Variants in CYSTM1 observed in about 807,000 individuals in gnomAD.
CYSTM1 encodes the protein cysteine rich transmembrane module containing 1, also known as cysteine-rich transmembrane module-containing protein 1.
CYSTM1 carries 4 observed loss-of-function variants against 13.1 expected under a neutral mutation model. That is an observed-to-expected ratio of 0.31 (90% CI 0.15 to 0.70). The LOEUF (loss-of-function observed/expected upper bound fraction) is 0.70, where lower values mean the gene tolerates loss of function less well. CYSTM1 is among the 30% of genes least tolerant of loss of function. The probability of loss-of-function intolerance (pLI) is 0.72; values close to 1 mark genes in which losing one functional copy is unlikely to be tolerated. For missense variants in CYSTM1, 96 were observed against 121.6 expected (o/e 0.79, Z 0.99); for synonymous variants, 36 against 42.7 (o/e 0.84, Z 0.62).
At chr5:140,238,300 T>C (rs10477333) in intron 2 of CYSTM1, among the ~76,000 whole-genome samples, 36,425 of 152,010 alleles carry the variant, frequency 0.24, 4,413 homozygotes, top group African/African-American at 0.28. Flanking sequence ...TCCATATCCA[T>C]CTCCCTGTAT....
At chr5:140,197,942 T>C (rs1487770107) in intron 2 of CYSTM1, among the ~76,000 whole-genome samples, 1 of 152,126 alleles carries the variant, frequency 6.6e-6, no homozygotes, top group African/African-American at 2.4e-5. Context: ...TGGTCATCTG[T>C]TTATGTTTTA....
At chr5:140,185,183 TTCA>T (rs1404905761) in intron 1 of CYSTM1, among the ~76,000 whole-genome samples, 1 of 152,226 alleles carries the variant, frequency 6.6e-6, no homozygotes. Context: ...TCTGAACCTC[TTCA>T]TCACTCTGGG....
At position 140,194,551 on chromosome 5, in the gene CYSTM1, G is replaced by T; in HGVS notation, c.86G>T (p.Gly29Val). The change falls in exon 2 of 3, where the codon GGA (glycine) becomes GTA (valine). Residue 29 changes from glycine to valine, a missense_variant. Gly to Val is a moderately radical substitution (Grantham distance 109, BLOSUM62 -3). Transcript: ENST00000261811. ...PPYPPQPMGP[G>V]PMGGPYPPPQ... is the part of the protein sequence containing the mutation. The stretch of plus-strand genomic sequence containing the variant: ...TATCCACCACAACCAATGGGTCCAG[G>T]ACCTATGGGGGGACCCTACCCACCT... The T allele has an allele frequency of 1.2e-6, 2 of 1,613,816 alleles. No individual in the cohort carries two copies. The highest frequency in any genetic ancestry group is 2.2e-5 in the South Asian group (2 of 91,050).
At chr5:140,190,451 A>T (rs1764081361) in intron 1 of CYSTM1, among the ~76,000 whole-genome samples, 1 of 152,066 alleles carries the variant, frequency 6.6e-6, no homozygotes, top group African/African-American at 2.4e-5. Context: ...TGACTGGGTG[A>T]GTCATTTCTT....
chr5:140,201,043 T>C (rs1764219705), intron 2 of CYSTM1: 1 of 152,258 alleles, frequency 6.6e-6, no homozygotes, highest in Non-Finnish European at 1.5e-5. Context: ...CAAATAATAT[T>C]CCATTGTGGA....
intron 1 of CYSTM1, among the ~76,000 whole-genome samples, chr5:140,191,768 A>C (rs939754545): frequency 6.6e-6 from 1 of 152,220 alleles, no homozygotes; most frequent in Admixed American, 6.5e-5. Flanking sequence ...AATAGTTATG[A>C]TAACTGTATT....
intron 1 of CYSTM1, among the ~76,000 whole-genome samples, chr5:140,191,894 G>T (rs1764099433): frequency 6.6e-6 from 1 of 152,166 alleles, no homozygotes; most frequent in African/African-American, 2.4e-5. Context: ...TAGGAGAGAG[G>T]AAATAAAATG....
chr5:140,185,212 G>A (rs1331135340), intron 1 of CYSTM1, among the ~76,000 whole-genome samples: 1 of 152,218 alleles, frequency 6.6e-6, no homozygotes, highest in East Asian at 1.9e-4. Context: ...GCCTTCAGAG[G>A]TAGATGATCC....
At position 140,175,618 on chromosome 5, in the gene CYSTM1, C is replaced by A. The variant is rs1763872470; in HGVS notation, c.-21+333C>A. On this transcript the variant is annotated intron_variant, in intron 1 of 2. Transcript: ENST00000261811. The surrounding 1 kb of genome is among the most constrained non-coding windows in gnomAD (Gnocchi z 4.9). Reference sequence around the variant, plus strand: ...CGGGCTCGGAGCGGGGCTCGCCACACCCCGTCCCGGGGGACGTCCGCGGGA... The same window carrying A: ...CGGGCTCGGAGCGGGGCTCGCCACAACCCGTCCCGGGGGACGTCCGCGGGA... 3.9e-5 allele frequency among the ~76,000 whole-genome samples: 6 copies of A among 152,246 alleles called. No homozygotes were observed. Among genetic ancestry groups the A allele is most frequent in the Admixed American group, 3.9e-4 (6 of 15,292 alleles).
chr5:140,214,421 A>G (rs1764405035), intron 2 of CYSTM1, among the ~76,000 whole-genome samples: 1 of 152,212 alleles, frequency 6.6e-6, no homozygotes, highest in Non-Finnish European at 1.5e-5. Context: ...TGCTCTTTGC[A>G]GATCCAATTT....
At chr5:140,176,211 A>T (rs1167190943) in intron 1 of CYSTM1, among the ~76,000 whole-genome samples, 1 of 152,104 alleles carries the variant, frequency 6.6e-6, no homozygotes, top group Non-Finnish European at 1.5e-5. Flanking sequence ...TGAGGGGAAC[A>T]CTGAGGAAGT....
intron 2 of CYSTM1, among the ~76,000 whole-genome samples, chr5:140,214,653 C>G (rs1764407929): frequency 6.6e-6 from 1 of 152,180 alleles, no homozygotes; most frequent in South Asian, 2.1e-4. Context: ...ACACATATGC[C>G]TATTATCTCT....
rs796704010 is a variant in CYSTM1, at chr5:140,213,043, AT to A, written c.187+18403del. Among the ~76,000 whole-genome samples the A allele has an allele frequency of 2.9e-3, 381 of 130,464 alleles. 1 individual carries two copies. Among genetic ancestry groups the A allele is most frequent in the South Asian group, 7.1e-3 (26 of 3,640 alleles). 85.6% of individuals were successfully genotyped at this position (130,464 alleles called of 152,430 possible). On this transcript the variant is annotated intron_variant, in intron 2 of 2. Coordinates refer to ENST00000261811, the MANE Select transcript of CYSTM1 (RefSeq NM_032412.4). ...AGAGACAGAGAGAGAGAGAACTCCTATTTTTTTTTTTTAAGTTAACCATAAA... is the reference window on the plus strand; with the variant it reads ...AGAGACAGAGAGAGAGAGAACTCCTATTTTTTTTTTTAAGTTAACCATAAA...
chr5:140,207,442 G>A (rs1056736902), intron 2 of CYSTM1, among the ~76,000 whole-genome samples: 3 of 152,130 alleles, frequency 2.0e-5, no homozygotes, highest in Admixed American at 6.5e-5. Context: ...TGGTGTAGAC[G>A]ATTTGCCACT....
At chr5:140,222,068 T>G (rs1764498825) in intron 2 of CYSTM1, among the ~76,000 whole-genome samples, 1 of 152,202 alleles carries the variant, frequency 6.6e-6, no homozygotes, top group Non-Finnish European at 1.5e-5. Context: ...CTTAATGACT[T>G]TGACCCTTCT....
At chr5:140,180,908 G>A (rs1355943008) in intron 1 of CYSTM1, among the ~76,000 whole-genome samples, 1 of 152,212 alleles carries the variant, frequency 6.6e-6, no homozygotes, top group Non-Finnish European at 1.5e-5. Flanking sequence ...GCCTTATTCA[G>A]AGGTTCCTAT....
At chr5:140,226,956 C>T (rs1301447483) in intron 2 of CYSTM1, among the ~76,000 whole-genome samples, 2 of 151,858 alleles carry the variant, frequency 1.3e-5, no homozygotes, top group Non-Finnish European at 2.9e-5. Flanking sequence ...AGGTGGAGAG[C>T]AGCAGTGTGG....
In CYSTM1 at chr5:140,243,769, A is replaced by G. The variant is rs549366952; in HGVS notation, c.*358A>G. 1.0e-3 allele frequency: 195 copies of G among 195,746 alleles called. No individual in the cohort carries two copies. The highest frequency in any genetic ancestry group is 2.0e-3 in the Middle Eastern group (1 of 490). 12.1% of individuals were successfully genotyped at this position (195,746 alleles called of 1,614,324 possible). A position where few individuals can be genotyped will look rare whatever the true frequency, so the allele number is the denominator to read the frequency against. On this transcript the variant is annotated 3_prime_UTR_variant, in exon 3 of 3. Coordinates refer to ENST00000261811, the MANE Select transcript of CYSTM1 (RefSeq NM_032412.4). The stretch of plus-strand genomic sequence containing the variant: ...TGCTAACAGCCGCCTGTATGTTTCA[A>G]TAAATTTGTCCAAAGCTCAACTGTC...
intron 1 of CYSTM1, among the ~76,000 whole-genome samples, chr5:140,181,446 T>C (rs1763961631): frequency 6.6e-6 from 1 of 152,192 alleles, no homozygotes; most frequent in African/African-American, 2.4e-5. Context: ...CTTTAATGTC[T>C]GGTGGTGGCT....
Sources: gnomAD v4.1 joint callset for allele counts (sites outside exome capture counted in the v4.1 genomes callset) on GRCh38, gnomAD v4.1.1 for gene constraint, Gnocchi (gnomAD v3.1) non-coding constraint, MANE v1.5 for transcripts, NCBI Gene and HGNC (gene_info 2026-07-23, HGNC 2026-07-21) for gene names.